Variants in C10orf71 observed in about 807,000 individuals in gnomAD.
C10orf71 encodes chromosome 10 open reading frame 71, also known as cardiac-enriched FHL2-interacting protein.
For missense variants in C10orf71, 1,869 were observed against 1,804.5 expected, an observed-to-expected ratio of 1.04 and a Z score of -0.65; for synonymous variants, 758 against 726.3, an observed-to-expected ratio of 1.04 and a Z score of -0.70.
intron 1 of C10orf71, among the ~76,000 whole-genome samples, chr10:49,310,582 A>C (rs1848893421): frequency 6.6e-6 from 1 of 152,142 alleles, no homozygotes; most frequent in African/African-American, 2.4e-5. Context: ...TGACAAGGCC[A>C]CTCAACCTGC....
At position 49,323,839 on chromosome 10, in the gene C10orf71, G is replaced by A. The variant is rs778968907; in HGVS notation, c.1294G>A (p.Glu432Lys). The A allele has an allele frequency of 3.7e-6, 6 of 1,613,852 alleles. No homozygotes were observed. The highest frequency in any genetic ancestry group is 5.1e-6 in the Non-Finnish European group (6 of 1,179,862). ...AAACAATGCTCTTGACCTGCCTGTG[G>A]AACCCAATGAACATTATGATCCCCC... ...SENNALDLPVEPNEHYDPPFN... is the reference protein window; with the variant it reads ...SENNALDLPVKPNEHYDPPFN... Residue 432 changes from glutamate (E) to lysine (K), a missense_variant, in exon 3 of 3, where the codon GAA (glutamate) becomes AAA (lysine). Physicochemically the swap from Glu to Lys is moderately conservative, Grantham distance 56. Transcript: ENST00000374144.
chr10:49,303,303 G>C (rs1053009428), intron 1 of C10orf71, among the ~76,000 whole-genome samples: 3 of 152,214 alleles, frequency 2.0e-5, no homozygotes, highest in African/African-American at 7.2e-5. Flanking sequence ...GGGTGGATGG[G>C]AGGTCAAGCC....
intron 1 of C10orf71, among the ~76,000 whole-genome samples, chr10:49,312,384 A>G (rs1289939834): frequency 6.6e-6 from 1 of 152,212 alleles, no homozygotes; most frequent in Non-Finnish European, 1.5e-5. Flanking sequence ...GAAGTGCTGG[A>G]GGTCTGCAGA....
intron 1 of C10orf71, among the ~76,000 whole-genome samples, chr10:49,311,466 C>T (rs761406240): frequency 2.0e-5 from 3 of 152,192 alleles, no homozygotes; most frequent in African/African-American, 7.2e-5. Context: ...GTCATTACAT[C>T]CCAGGGTCCA....
intron 1 of C10orf71, 113 bp from the exon 2 acceptor site, chr10:49,316,032 G>A (rs991215802): frequency 7.2e-5 from 11 of 152,116 alleles, no homozygotes; most frequent in African/African-American, 2.7e-4. Context: ...CTCCAACCTG[G>A]GCAATAGAGC....
At chr10:49,312,595 T>G (rs1243871221) in intron 1 of C10orf71, among the ~76,000 whole-genome samples, 1 of 152,182 alleles carries the variant, frequency 6.6e-6, no homozygotes, top group Non-Finnish European at 1.5e-5. Flanking sequence ...CTCCCCAACT[T>G]AGAGCACTGA....
At chr10:49,321,465 A>G (rs10857468) in intron 2 of C10orf71, among the ~76,000 whole-genome samples, 20,403 of 152,224 alleles carry the variant, frequency 0.13, 1,802 homozygotes, top group East Asian at 0.28. Flanking sequence ...TCATCCATCA[A>G]TGGAAATTTT....
At chr10:49,307,682 A>C (rs935519287) in intron 1 of C10orf71, among the ~76,000 whole-genome samples, 3 of 152,202 alleles carry the variant, frequency 2.0e-5, no homozygotes, top group African/African-American at 7.2e-5. Context: ...AGGCAGCAAG[A>C]AATTAGCCAG....
In C10orf71 at chr10:49,313,180, G is replaced by A. The variant is rs911475811; in HGVS notation, c.-247-2965G>A. 2.6e-5 allele frequency among the ~76,000 whole-genome samples: 4 copies of A among 152,252 alleles called. No individual in the cohort carries two copies. The East Asian group carries it at 5.8e-4, about 22-fold the overall frequency. ...ATAGCCCATGATAAAGGGATGTAAC[G>A]GGCAGCCTTGGAATAGCCTGAAGAA... On this transcript the variant is annotated intron_variant, in intron 1 of 2. Coordinates refer to ENST00000374144, the MANE Select transcript of C10orf71 (RefSeq NM_001135196.2).
chr10:49,300,587 C>G (rs1350292468), intron 1 of C10orf71, among the ~76,000 whole-genome samples: 1 of 152,032 alleles, frequency 6.6e-6, no homozygotes, highest in Admixed American at 6.6e-5. Context: ...ACTTTTTAGG[C>G]CTGGCTGATA....
chr10:49,305,430 C>T (rs1848796241), intron 1 of C10orf71, among the ~76,000 whole-genome samples: 1 of 152,170 alleles, frequency 6.6e-6, no homozygotes. Flanking sequence ...AGAGTAACTC[C>T]TGTGTAATGA....
chr10:49,307,016 C>T (rs1848826016), intron 1 of C10orf71, among the ~76,000 whole-genome samples: 1 of 152,252 alleles, frequency 6.6e-6, no homozygotes, highest in Non-Finnish European at 1.5e-5. Flanking sequence ...CTCTGCCTCT[C>T]AGGCAACTCC....
At chr10:49,310,205 C>A (rs528765131) in intron 1 of C10orf71, among the ~76,000 whole-genome samples, 4 of 152,242 alleles carry the variant, frequency 2.6e-5, no homozygotes, top group Non-Finnish European at 5.9e-5. Flanking sequence ...AGGAAGGACT[C>A]ATGTTTACAG....
chr10:49,312,391 C>T (rs1197763088), intron 1 of C10orf71, among the ~76,000 whole-genome samples: 1 of 152,206 alleles, frequency 6.6e-6, no homozygotes, highest in African/African-American at 2.4e-5. Flanking sequence ...TGGAGGTCTG[C>T]AGAACATGGC....
chr10:49,304,388 A>T (rs1848779064), intron 1 of C10orf71, among the ~76,000 whole-genome samples: 1 of 152,170 alleles, frequency 6.6e-6, no homozygotes, highest in African/African-American at 2.4e-5. Flanking sequence ...CTTTTGCGTC[A>T]GCCCTACTCA....
At chr10:49,318,191 G>T (rs1021111275) in intron 2 of C10orf71, among the ~76,000 whole-genome samples, 2 of 152,230 alleles carry the variant, frequency 1.3e-5, no homozygotes, top group Non-Finnish European at 2.9e-5. Context: ...AACAGAAATT[G>T]CTCCTTTGAT....
rs1252948907 is a variant in C10orf71 at position 49,325,522 on chromosome 10, G to A, written c.2977G>A (p.Gly993Arg). Residue 993 changes from glycine (G) to arginine (R), a missense_variant, in exon 3 of 3, where the codon GGG becomes AGG. Coordinates refer to ENST00000374144, the MANE Select transcript of C10orf71 (RefSeq NM_001135196.2). The part of the protein sequence containing the change: ...SNCKSGSADS[G>R]KLAAPWHIPT... ...TTGCAAGAGCGGTTCTGCAGACTCA[G>A]GGAAGCTGGCAGCCCCATGGCACAT... 6.4e-6 allele frequency: 10 copies of A among 1,551,042 alleles called. No individual in the cohort carries two copies. The highest frequency in any genetic ancestry group is 2.7e-5 in the African/African-American group (2 of 73,056).
upstream of C10orf71, among the ~76,000 whole-genome samples, chr10:49,297,613 C>A (rs1179683175): frequency 6.6e-6 from 1 of 152,206 alleles, no homozygotes; most frequent in Non-Finnish European, 1.5e-5. Flanking sequence ...TACATGAGCT[C>A]CCCTGACCCT....
At chr10:49,309,082 G>A (rs1413066479) in intron 1 of C10orf71, among the ~76,000 whole-genome samples, 1 of 152,218 alleles carries the variant, frequency 6.6e-6, no homozygotes, top group Non-Finnish European at 1.5e-5. Context: ...AGTGAGCACG[G>A]GCAGGTGCAG....
Sources: allele counts gnomAD v4.1 joint callset (sites outside exome capture counted in the v4.1 genomes callset), GRCh38; gene constraint gnomAD v4.1.1; transcripts MANE v1.5; gene names NCBI Gene and HGNC (gene_info 2026-07-23, HGNC 2026-07-21).